The following RALGAPA2 variants were observed in gnomAD, a reference collection of about 807,000 sequenced individuals.
RALGAPA2 encodes the protein ral GTPase-activating protein subunit alpha-2.
In RALGAPA2, 139 loss-of-function variants were observed where a neutral mutation model predicts 230.4. That is an observed-to-expected ratio of 0.60 (90% CI 0.53 to 0.69). The LOEUF (loss-of-function observed/expected upper bound fraction) is 0.69. Among genes scored for constraint, RALGAPA2 ranks in the 30% least tolerant of loss-of-function variants. RALGAPA2 has a pLI of 0.00. For synonymous variants in RALGAPA2, 847 were observed against 837.8 expected, an observed-to-expected ratio of 1.01 and a Z score of -0.19; for missense variants, 2,163 against 2,276.0, an observed-to-expected ratio of 0.95 and a Z score of 1.01.
intron 37 of RALGAPA2, among the ~76,000 whole-genome samples, chr20:20,442,375 G>A (rs6046863): frequency 0.11 from 17,174 of 152,206 alleles, 1,992 homozygotes; most frequent in African/African-American, 0.29. Flanking sequence ...GCTCTCTGTC[G>A]TCTTAGCCTA....
chr20:20,399,460 AAG>A (rs1403727974), intron 38 of RALGAPA2, among the ~76,000 whole-genome samples: 1 of 152,124 alleles, frequency 6.6e-6, no homozygotes, highest in African/African-American at 2.4e-5. Context: ...ACTCATATCT[AAG>A]AGTAGTTGAG....
chr20:20,503,744 G>T (rs1339816954), intron 34 of RALGAPA2, among the ~76,000 whole-genome samples: 1 of 152,066 alleles, frequency 6.6e-6, no homozygotes. Context: ...CAAACTTTTG[G>T]TATATAATCT....
At chr20:20,549,263 TG>T (rs1039899037) in intron 23 of RALGAPA2, among the ~76,000 whole-genome samples, 5 of 152,136 alleles carry the variant, frequency 3.3e-5, no homozygotes, top group Non-Finnish European at 5.9e-5. Flanking sequence ...ATCTGTAAAA[TG>T]GGGCATTCAA....
At chr20:20,453,940 T>A (rs1436317422) in intron 37 of RALGAPA2, among the ~76,000 whole-genome samples, 1 of 152,222 alleles carries the variant, frequency 6.6e-6, no homozygotes, top group Non-Finnish European at 1.5e-5. Flanking sequence ...TTTGTCAAGA[T>A]TTTTTTAAGC....
chr20:20,569,523 G>C (rs1178509650), intron 23 of RALGAPA2, among the ~76,000 whole-genome samples: 7 of 152,106 alleles, frequency 4.6e-5, no homozygotes, highest in African/African-American at 1.7e-4. Flanking sequence ...AACTATAAAA[G>C]ATATTGAGCC....
chr20:20,670,039 GA>G (rs2068081629), intron 3 of RALGAPA2, among the ~76,000 whole-genome samples: 1 of 152,188 alleles, frequency 6.6e-6, no homozygotes, highest in African/African-American at 2.4e-5. Flanking sequence ...CTGTGATTCA[GA>G]AGGTCATTAC....
At chr20:20,669,361 G>A (rs556170020) in intron 3 of RALGAPA2, among the ~76,000 whole-genome samples, 132 of 152,262 alleles carry the variant, frequency 8.7e-4, no homozygotes, top group African/African-American at 3.0e-3. Flanking sequence ...GACATCTGGG[G>A]CCTCAATGAC....
chr20:20,569,148 CT>C (rs1233245892), intron 23 of RALGAPA2, among the ~76,000 whole-genome samples: 1 of 152,118 alleles, frequency 6.6e-6, no homozygotes, highest in African/African-American at 2.4e-5. Flanking sequence ...CCACTATGAT[CT>C]ATTTAGACGT....
intron 37 of RALGAPA2, among the ~76,000 whole-genome samples, chr20:20,464,299 C>T (rs925508170): frequency 6.6e-6 from 1 of 152,238 alleles, no homozygotes. Flanking sequence ...CCCGCCCGCT[C>T]CCAGTCTCAG....
intron 3 of RALGAPA2, among the ~76,000 whole-genome samples, chr20:20,654,481 C>T (rs540889675): frequency 8.5e-5 from 13 of 152,354 alleles, no homozygotes; most frequent in East Asian, 1.9e-4. Flanking sequence ...TGGGCCACCA[C>T]GTCCAGCCCC....
intron 3 of RALGAPA2, among the ~76,000 whole-genome samples, chr20:20,665,677 T>C (rs537439397): frequency 5.4e-4 from 83 of 152,348 alleles, no homozygotes; most frequent in African/African-American, 1.9e-3. Context: ...GAAAAGTGCA[T>C]GCAAAGAATC....
intron 3 of RALGAPA2, among the ~76,000 whole-genome samples, chr20:20,654,129 G>C (rs994952909): frequency 6.6e-6 from 1 of 152,184 alleles, no homozygotes; most frequent in Non-Finnish European, 1.5e-5. Context: ...TTATAGTTAA[G>C]AATATCCCCA....
intron 16 of RALGAPA2, chr20:20,598,960 G>C (rs2065548993): frequency 3.0e-6 from 1 of 335,912 alleles, no homozygotes; most frequent in South Asian, 2.3e-5. Context: ...TCAGTACAAA[G>C]TATAGTATTT....
chr20:20,464,026 GGAAAC>G (rs1483359429), intron 37 of RALGAPA2, among the ~76,000 whole-genome samples: 1 of 152,138 alleles, frequency 6.6e-6, no homozygotes, highest in African/African-American at 2.4e-5. Context: ...TGGTCCCTAT[GGAAAC>G]GAAACCTCAG....
chr20:20,609,580 G>A (rs143332215), intron 14 of RALGAPA2, among the ~76,000 whole-genome samples: 1 of 152,252 alleles, frequency 6.6e-6, no homozygotes, highest in Non-Finnish European at 1.5e-5. Flanking sequence ...ATAGATACTT[G>A]TTTAATTCTG....
intron 23 of RALGAPA2, among the ~76,000 whole-genome samples, chr20:20,548,018 T>C (rs1428656675): frequency 2.0e-5 from 3 of 152,206 alleles, no homozygotes; most frequent in East Asian, 3.8e-4. Flanking sequence ...CACCATCATA[T>C]ATGTGGTCTG....
At chr20:20,709,290 G>A (rs1234808333) in intron 1 of RALGAPA2, among the ~76,000 whole-genome samples, 1 of 151,992 alleles carries the variant, frequency 6.6e-6, no homozygotes, top group Non-Finnish European at 1.5e-5. Flanking sequence ...CTGCACTCCA[G>A]CGTGGGTAAC....
At chr20:20,513,955 C>T (rs1465313929) in intron 31 of RALGAPA2, among the ~76,000 whole-genome samples, 1 of 152,232 alleles carries the variant, frequency 6.6e-6, no homozygotes, top group East Asian at 1.9e-4. Context: ...CTTGGCAACA[C>T]AGAATCAGTC....
intron 1 of RALGAPA2, among the ~76,000 whole-genome samples, chr20:20,700,625 C>T (rs2069317773): frequency 6.6e-6 from 1 of 152,190 alleles, no homozygotes; most frequent in African/African-American, 2.4e-5. Context: ...CCTAAGCCTG[C>T]CCTTGCCAAC....
Sources: gnomAD v4.1 joint callset for allele counts (sites outside exome capture counted in the v4.1 genomes callset) on GRCh38, gnomAD v4.1.1 for gene constraint, MANE v1.5 for transcripts, NCBI Gene and HGNC (gene_info 2026-07-23, HGNC 2026-07-21) for gene names.